SEC22B: variants seen among roughly 807,000 people sequenced by gnomAD.
SEC22B encodes vesicle-trafficking protein SEC22b.
A neutral mutation model predicts 31.4 loss-of-function variants in SEC22B; 10 were observed. The ratio of observed to expected loss-of-function variants is 0.32; its 90% CI spans 0.20 to 0.54. The LOEUF (loss-of-function observed/expected upper bound fraction) is 0.54. Ranked by LOEUF, SEC22B falls within the 20% of genes least tolerant of loss-of-function variation. The pLI, the probability that SEC22B is intolerant of heterozygous loss-of-function variation, is 0.94. For missense variants in SEC22B, 130 were observed against 263.4 expected (o/e 0.49, Z 3.50); for synonymous variants, 60 against 95.9 (o/e 0.63, Z 2.19).
intron 1 of SEC22B, among the ~76,000 whole-genome samples, chr1:120,175,762 G>A (rs1241916260): frequency 6.6e-6 from 1 of 152,138 alleles, no homozygotes; most frequent in African/African-American, 2.4e-5. Flanking sequence ...ACAATGTATT[G>A]CAGGAATGTG....
intron 2 of SEC22B, among the ~76,000 whole-genome samples, chr1:120,163,821 G>A (rs1414770202): frequency 0.029 from 4,287 of 149,636 alleles, 118 homozygotes; most frequent in African/African-American, 0.1. Flanking sequence ...CTCGTGATCC[G>A]CCCGCCTCAG....
intron 2 of SEC22B, among the ~76,000 whole-genome samples, chr1:120,165,844 A>G (rs1446280631): frequency 4.1e-4 from 62 of 150,772 alleles, no homozygotes; most frequent in African/African-American, 1.4e-3. Flanking sequence ...TCTTTAATCT[A>G]CTTTAAGTTG....
rs1243056456 is a variant in SEC22B at position 120,151,276 on chromosome 1, G to C, written c.*5762C>G. On this transcript the variant is annotated 3_prime_UTR_variant, in exon 5 of 5. Coordinates refer to ENST00000578049, the MANE Select transcript of SEC22B (RefSeq NM_004892.6). ...TGGCTAAGACAAAACAAAGCTGGTG[G>C]GGAGTGGCAGGAGGTAAGTCTAGAA... The C allele has an allele frequency of 1.3e-5, 2 of 152,114 alleles. No individual in the cohort carries two copies. Among genetic ancestry groups the C allele is most frequent in the African/African-American group, 2.4e-5 (1 of 41,412 alleles). The allele number at this position is 152,114 out of a possible 1,614,324, so 9.4% of individuals were successfully genotyped here. A position where few individuals can be genotyped will look rare whatever the true frequency, so the allele number is the denominator to read the frequency against.
chr1:120,162,888 C>T (rs1374376942), intron 3 of SEC22B, among the ~76,000 whole-genome samples: 1 of 152,046 alleles, frequency 6.6e-6, no homozygotes, highest in Non-Finnish European at 1.5e-5. Flanking sequence ...AAGAACTCAG[C>T]CATTATATGC....
intron 2 of SEC22B, among the ~76,000 whole-genome samples, chr1:120,166,573 CA>C (rs1204211329): frequency 1.4e-5 from 2 of 141,246 alleles, no homozygotes; most frequent in East Asian, 2.0e-4. Flanking sequence ...ATGTAGGAGC[CA>C]AAAAAAATTT....
intron 3 of SEC22B, among the ~76,000 whole-genome samples, chr1:120,160,754 C>T (rs1489146305): frequency 1.1e-4 from 16 of 151,966 alleles, no homozygotes; most frequent in African/African-American, 2.9e-4. Flanking sequence ...CCAGGCGTGG[C>T]GGCACACGCC....
intron 1 of SEC22B, among the ~76,000 whole-genome samples, chr1:120,174,138 A>G (rs1570871618): frequency 6.8e-6 from 1 of 147,966 alleles, no homozygotes; most frequent in East Asian, 2.0e-4. Flanking sequence ...AAATTTCATT[A>G]TGCCACTCAT....
intron 1 of SEC22B, among the ~76,000 whole-genome samples, chr1:120,169,503 C>T (rs1422734273): frequency 0.047 from 5,502 of 117,140 alleles, no homozygotes; most frequent in African/African-American, 0.098. Flanking sequence ...TGTCAGATAC[C>T]CTTTACTGAA....
At chr1:120,166,014 G>A (rs1201188906) in intron 2 of SEC22B, among the ~76,000 whole-genome samples, 5 of 150,770 alleles carry the variant, frequency 3.3e-5, no homozygotes, top group Admixed American at 6.6e-5. Flanking sequence ...AAAGACATGC[G>A]AATGGCCAAG....
In SEC22B at chr1:120,160,699, C is replaced by T. The variant is rs1264412995; in HGVS notation, c.347-169G>A. 1.6e-4 allele frequency among the ~76,000 whole-genome samples: 24 copies of T among 152,144 alleles called. No homozygotes were observed. The South Asian group carries it at 4.6e-3, about 29-fold the overall frequency. Reference sequence around the variant, plus strand: ...GGTCAGGAAATCGAGACCATCCTGGCTAACACAGTGAAACCCCGTCTCTAC... The same window carrying T: ...GGTCAGGAAATCGAGACCATCCTGGTTAACACAGTGAAACCCCGTCTCTAC... On this transcript the variant is annotated intron_variant, in intron 3 of 4. Coordinates refer to ENST00000578049, the MANE Select transcript of SEC22B (RefSeq NM_004892.6).
At chr1:120,161,386 C>T (rs1352281300) in intron 3 of SEC22B, among the ~76,000 whole-genome samples, 2 of 148,498 alleles carry the variant, frequency 1.3e-5, no homozygotes, top group Non-Finnish European at 2.9e-5. Context: ...TCCAAAATAC[C>T]AATACAAAAC....
At chr1:120,163,758 T>G (rs1485485322) in intron 2 of SEC22B, among the ~76,000 whole-genome samples, 17 of 151,310 alleles carry the variant, frequency 1.1e-4, no homozygotes, top group African/African-American at 3.4e-4. Context: ...GTATTTTTAG[T>G]AGAGACGGGG....
intron 4 of SEC22B, chr1:120,159,402 CCTG>C (rs1657679320): frequency 6.6e-6 from 1 of 151,696 alleles, no homozygotes; most frequent in Non-Finnish European, 1.5e-5. Flanking sequence ...TGCACTCCAG[CCTG>C]GGCAACAGAA....
intron 2 of SEC22B, among the ~76,000 whole-genome samples, chr1:120,166,461 T>A (rs1657812947): frequency 6.7e-6 from 1 of 149,258 alleles, no homozygotes; most frequent in South Asian, 2.1e-4. Flanking sequence ...TAAAAAAGAA[T>A]GAATTTCTAT....
chr1:120,170,590 A>T (rs1431369214), intron 1 of SEC22B, among the ~76,000 whole-genome samples: 14 of 151,888 alleles, frequency 9.2e-5, no homozygotes, highest in Non-Finnish European at 1.8e-4. Context: ...TTGTAGATTT[A>T]TCTTGTTTAA....
chr1:120,170,248 AAAG>A (rs1257878742), intron 1 of SEC22B, among the ~76,000 whole-genome samples: 1 of 142,412 alleles, frequency 7.0e-6, no homozygotes, highest in African/African-American at 3.0e-5. Context: ...TTTTACATAG[AAAG>A]AATAGCCTCC....
chr1:120,166,205 A>G (rs1657804659), intron 2 of SEC22B, among the ~76,000 whole-genome samples: 1 of 142,122 alleles, frequency 7.0e-6, no homozygotes, highest in African/African-American at 3.0e-5. Context: ...AGGTTTCTCA[A>G]AAAACTAAAA....
Position 120,176,465 on chromosome 1 carries a change from C to T in SEC22B, c.-84G>A, listed in dbSNP as rs1657967761. On this transcript the variant is annotated 5_prime_UTR_variant, in exon 1 of 5. Coordinates refer to ENST00000578049, the MANE Select transcript of SEC22B (RefSeq NM_004892.6). ...TCCTCCGCCGCGACAACAGTTATACCCTATGTCTCAGTTACCGGAGATCCA... is the reference window on the plus strand; with the variant it reads ...TCCTCCGCCGCGACAACAGTTATACTCTATGTCTCAGTTACCGGAGATCCA... 14 of 1,234,850 alleles carry T rather than the reference C, an allele frequency of 1.1e-5. No individual in the cohort carries two copies. The highest frequency in any genetic ancestry group is 2.5e-5 in the East Asian group (1 of 39,896). 76.5% of individuals were successfully genotyped at this position (1,234,850 alleles called of 1,614,324 possible).
chr1:120,175,561 T>C (rs1338944285), intron 1 of SEC22B, among the ~76,000 whole-genome samples: 3 of 152,170 alleles, frequency 2.0e-5, no homozygotes, highest in South Asian at 4.1e-4. Flanking sequence ...ACTGTGTTTC[T>C]AAAACACAAA....
Sources: allele counts gnomAD v4.1 joint callset (sites outside exome capture counted in the v4.1 genomes callset), GRCh38; gene constraint gnomAD v4.1.1; transcripts MANE v1.5; gene names NCBI Gene and HGNC (gene_info 2026-07-23, HGNC 2026-07-21).